Variants in CSMD1 observed in about 807,000 individuals in gnomAD.
The protein encoded by CSMD1 is CUB and sushi domain-containing protein 1.
A neutral mutation model predicts 417.5 loss-of-function variants in CSMD1; 213 were observed. The observed-to-expected ratio is 0.51, with a 90% CI of 0.46 to 0.57. The LOEUF is 0.57. Ranked by LOEUF, CSMD1 falls within the 20% of genes least tolerant of loss-of-function variation. The pLI, the probability that CSMD1 is intolerant of heterozygous loss-of-function variation, is 0.00. For synonymous variants in CSMD1, 2,862 were observed against 1,736.8 expected (o/e 1.65, Z -16.11); for missense variants, 6,923 against 4,529.7 (o/e 1.53, Z -15.17).
chr8:3,694,829 A>G (rs886543309), intron 7 of CSMD1, among the ~76,000 whole-genome samples: 2 of 151,886 alleles, frequency 1.3e-5, no homozygotes, highest in Non-Finnish European at 2.9e-5. Context: ...GCGGCAAGGA[A>G]TGAGCCAGGA....
chr8:4,542,926 G>C (rs1436586833), intron 2 of CSMD1, among the ~76,000 whole-genome samples: 1 of 151,776 alleles, frequency 6.6e-6, no homozygotes, highest in Non-Finnish European at 1.5e-5. Context: ...GTTTCTTCAG[G>C]GCACCTGCCT....
intron 7 of CSMD1, among the ~76,000 whole-genome samples, chr8:3,651,588 A>G (rs776245168): frequency 1.3e-5 from 2 of 152,220 alleles, no homozygotes; most frequent in African/African-American, 2.4e-5. Context: ...GAACACTAGA[A>G]TAGCCCCTGC....
chr8:3,487,887 G>C (rs74450944), intron 11 of CSMD1, among the ~76,000 whole-genome samples: 2 of 151,954 alleles, frequency 1.3e-5, no homozygotes, highest in Non-Finnish European at 2.9e-5. Flanking sequence ...TTTCTAACAA[G>C]ATCCCATCAA....
At chr8:3,280,340 A>C (rs1190662437) in intron 26 of CSMD1, among the ~76,000 whole-genome samples, 1 of 152,214 alleles carries the variant, frequency 6.6e-6, no homozygotes, top group Non-Finnish European at 1.5e-5. Flanking sequence ...AACAGAGACA[A>C]AAGGTCAGTC....
In CSMD1 at chr8:3,481,053, G is replaced by C. The variant is rs555341016; in HGVS notation, c.1449-12229C>G. ...CACCTGTAGTCCCAGCTACTAGGGA[G>C]GCTGAGGCAGGAGAGTGCTTTGAAC... On this transcript the variant is annotated intron_variant, in intron 11 of 69. Coordinates refer to ENST00000635120, the MANE Select transcript of CSMD1 (RefSeq NM_033225.6). Among the ~76,000 whole-genome samples, 11 of 151,404 alleles carry C rather than the reference G, an allele frequency of 7.3e-5. No individual in the cohort carries two copies. The East Asian group carries it at 7.9e-4, about 11-fold the overall frequency.
chr8:3,653,775 G>C (rs1238224499), intron 7 of CSMD1, among the ~76,000 whole-genome samples: 1 of 152,132 alleles, frequency 6.6e-6, no homozygotes, highest in Non-Finnish European at 1.5e-5. Context: ...TCCCCAAAAT[G>C]ACATATCCCT....
chr8:4,274,090 C>T (rs111612638), intron 3 of CSMD1, among the ~76,000 whole-genome samples: 5,227 of 152,200 alleles, frequency 0.034, 126 homozygotes, highest in African/African-American at 0.061. Context: ...AACTCATTTA[C>T]TATATGGAAC....
intron 1 of CSMD1, among the ~76,000 whole-genome samples, chr8:4,698,931 C>CAG (rs1257611680): frequency 6.6e-6 from 1 of 151,850 alleles, no homozygotes; most frequent in African/African-American, 2.4e-5. Flanking sequence ...CACACACACA[C>CAG]ACACACACAC....
At chr8:4,313,576 A>T (rs1465263813) in intron 3 of CSMD1, among the ~76,000 whole-genome samples, 1 of 151,926 alleles carries the variant, frequency 6.6e-6, no homozygotes, top group Non-Finnish European at 1.5e-5. Flanking sequence ...GGAAAGAAGA[A>T]TGTTGGAATT....
intron 26 of CSMD1, among the ~76,000 whole-genome samples, chr8:3,252,766 C>A (rs1047509122): frequency 2.0e-5 from 3 of 152,192 alleles, no homozygotes; most frequent in Admixed American, 2.0e-4. Context: ...TTCAGAGATT[C>A]AACTTCTTCC....
chr8:4,465,563 G>A (rs1037007578), intron 2 of CSMD1, among the ~76,000 whole-genome samples: 1 of 152,106 alleles, frequency 6.6e-6, no homozygotes, highest in Non-Finnish European at 1.5e-5. Context: ...GTCAAGTAAA[G>A]CAATGCCTGT....
intron 7 of CSMD1, among the ~76,000 whole-genome samples, chr8:3,650,049 C>T (rs940611388): frequency 3.9e-5 from 6 of 152,074 alleles, no homozygotes; most frequent in Non-Finnish European, 5.9e-5. Flanking sequence ...GAAGCCAAGG[C>T]GGGCAGACCA....
chr8:3,371,379 G>A (rs1809936014), intron 18 of CSMD1, among the ~76,000 whole-genome samples: 2 of 151,866 alleles, frequency 1.3e-5, no homozygotes, highest in African/African-American at 4.8e-5. Flanking sequence ...GCTGAAGAAT[G>A]AAATAAGTGA....
chr8:3,432,559 G>A (rs1814281855), intron 12 of CSMD1, among the ~76,000 whole-genome samples: 2 of 144,778 alleles, frequency 1.4e-5, no homozygotes, highest in Non-Finnish European at 3.0e-5. Flanking sequence ...CACCAGGCTG[G>A]AGTGCAGTGG....
At chr8:4,518,551 G>A (rs533194804) in intron 2 of CSMD1, among the ~76,000 whole-genome samples, 6 of 149,860 alleles carry the variant, frequency 4.0e-5, no homozygotes, top group Admixed American at 2.7e-4. Flanking sequence ...TCACTCATAG[G>A]TGGGAATTGA....
At chr8:4,095,606 G>A (rs756736813) in intron 3 of CSMD1, among the ~76,000 whole-genome samples, 1 of 152,142 alleles carries the variant, frequency 6.6e-6, no homozygotes, top group Non-Finnish European at 1.5e-5. Flanking sequence ...ACAAAGTAAT[G>A]TGCACCTGCA....
intron 2 of CSMD1, among the ~76,000 whole-genome samples, chr8:4,599,237 T>A (rs1448203260): frequency 6.6e-6 from 1 of 152,206 alleles, no homozygotes; most frequent in East Asian, 1.9e-4. Context: ...AAAATGAGAT[T>A]AAATAATTCT....
chr8:4,461,539 A>G (rs916271473), intron 2 of CSMD1, among the ~76,000 whole-genome samples: 6 of 53,580 alleles, frequency 1.1e-4, no homozygotes, highest in Non-Finnish European at 2.1e-4. Flanking sequence ...AAAAATCCAT[A>G]TTTTTTTTTG....
chr8:3,577,935 C>T (rs1044996558), intron 9 of CSMD1, among the ~76,000 whole-genome samples: 3 of 152,170 alleles, frequency 2.0e-5, no homozygotes, highest in African/African-American at 7.2e-5. Flanking sequence ...TATTAAACAA[C>T]CACCCTGTGG....
Sources: allele counts gnomAD v4.1 joint callset (sites outside exome capture counted in the v4.1 genomes callset), GRCh38; gene constraint gnomAD v4.1.1; transcripts MANE v1.5; gene names NCBI Gene and HGNC (gene_info 2026-07-23, HGNC 2026-07-21).